Variants in PHF3 observed in about 807,000 individuals in gnomAD.
PHF3 encodes the protein PHD finger protein 3.
PHF3 carries 41 observed loss-of-function variants against 178.4 expected under a neutral mutation model. The ratio of observed to expected loss-of-function variants is 0.23; its 90% CI spans 0.18 to 0.30. The LOEUF is 0.30. Ranked by LOEUF, PHF3 falls within the 10% of genes least tolerant of loss-of-function variation. PHF3 has a pLI of 1.00. For missense variants in PHF3, 2,346 were observed against 2,398.1 expected, an observed-to-expected ratio of 0.98 and a Z score of 0.45; for synonymous variants, 842 against 800.5, an observed-to-expected ratio of 1.05 and a Z score of -0.88.
At chr6:63,637,084 C>T (rs1028781115) in intron 1 of PHF3, among the ~76,000 whole-genome samples, 2 of 152,178 alleles carry the variant, frequency 1.3e-5, no homozygotes, top group African/African-American at 4.8e-5. Flanking sequence ...TAAGTGGCAA[C>T]ACTGCTTTAA....
In PHF3 at chr6:63,685,247, A is replaced by G. The variant is rs1277090853; in HGVS notation, c.1525A>G (p.Ile509Val). The change falls in exon 4 of 16, where the codon ATT becomes GTT. Residue 509 changes from isoleucine (I) to valine (V), a missense_variant. Ile to Val is a conservative substitution (Grantham distance 29). Coordinates refer to ENST00000262043, the MANE Select transcript of PHF3 (RefSeq NM_001370348.2). Reference protein sequence around the residue: ...QNMTTDAPKKIVAAKYEVIHS... With the variant: ...QNMTTDAPKKVVAAKYEVIHS... ...CATGACCACAGATGCTCCGAAGAAAATTGTTGCAGCAAAGTATGAAGTAAT... is the reference window on the plus strand; with the variant it reads ...CATGACCACAGATGCTCCGAAGAAAGTTGTTGCAGCAAAGTATGAAGTAAT... 1.9e-6 allele frequency: 3 copies of G among 1,613,932 alleles called. No individual in the cohort carries two copies. The Admixed American group carries it at 5.0e-5, about 27-fold the overall frequency.
intron 2 of PHF3, 158 bp from the exon 3 acceptor site, chr6:63,679,842 G>A (rs781437946): frequency 2.9e-6 from 2 of 685,672 alleles, no homozygotes; most frequent in South Asian, 1.5e-5. Flanking sequence ...TGGGAGTTTG[G>A]TAGTGGCAAT....
chr6:63,675,319 T>C (rs1249428002), intron 2 of PHF3, among the ~76,000 whole-genome samples: 2 of 152,216 alleles, frequency 1.3e-5, no homozygotes, highest in East Asian at 1.9e-4. Flanking sequence ...ACATTTGTTA[T>C]GTGATGATTA....
At chr6:63,665,495 T>G (rs537399814) in intron 2 of PHF3, among the ~76,000 whole-genome samples, 6 of 146,362 alleles carry the variant, frequency 4.1e-5, no homozygotes, top group South Asian at 2.2e-4. Flanking sequence ...TGTTTTTTTT[T>G]TTTTTTTTTG....
intron 1 of PHF3, among the ~76,000 whole-genome samples, chr6:63,638,578 A>G (rs1045021672): frequency 3.9e-5 from 6 of 152,124 alleles, no homozygotes; most frequent in Non-Finnish European, 5.9e-5. Context: ...TATTACCAAT[A>G]CATATTTCAC....
chr6:63,654,534 A>G (rs1299248770), intron 2 of PHF3, among the ~76,000 whole-genome samples: 1 of 152,252 alleles, frequency 6.6e-6, no homozygotes, highest in Non-Finnish European at 1.5e-5. Context: ...AGAGCAAAAG[A>G]TAAAAGAGAG....
chr6:63,721,903 A>C lies in PHF3; in HGVS notation c.*8195A>C, dbSNP rs980695759. The C allele has an allele frequency of 1.4e-5, 14 of 1,008,206 alleles. No individual in the cohort carries two copies. In the Admixed American group the frequency reaches 2.6e-4, roughly 18 times the overall value. 62.5% of individuals were successfully genotyped at this position (1,008,206 alleles called of 1,614,324 possible). On this transcript the variant is annotated 3_prime_UTR_variant, in exon 16 of 16. Transcript: ENST00000262043. ...GATAAGTTTTAGTTATGGGGAAAAA[A>C]GTAACAGATCTTGAGCACAATTGTG...
chr6:63,648,065 T>G (rs965377127), intron 2 of PHF3, among the ~76,000 whole-genome samples: 1 of 152,200 alleles, frequency 6.6e-6, no homozygotes, highest in Non-Finnish European at 1.5e-5. Flanking sequence ...TTACTCTGCC[T>G]GAGGACCTCA....
intron 2 of PHF3, among the ~76,000 whole-genome samples, chr6:63,649,625 T>C (rs927044543): frequency 1.3e-5 from 2 of 152,234 alleles, no homozygotes; most frequent in Admixed American, 1.3e-4. Context: ...TAGAAAATTA[T>C]AAAAATAAGA....
At chr6:63,703,470 A>G in intron 10 of PHF3, 66 bp from the exon 11 acceptor site, 1 of 1,474,718 alleles carries the variant, frequency 6.8e-7, no homozygotes, top group Non-Finnish European at 9.2e-7. Flanking sequence ...GAAAATATAA[A>G]TTGATTTTGA....
At chr6:63,667,160 A>G (rs1343573284) in intron 2 of PHF3, among the ~76,000 whole-genome samples, 1 of 152,038 alleles carries the variant, frequency 6.6e-6, no homozygotes, top group African/African-American at 2.4e-5. Context: ...AATATTTTTG[A>G]TATGCTGTTG....
intron 2 of PHF3, among the ~76,000 whole-genome samples, chr6:63,655,185 T>C (rs1414262713): frequency 6.6e-6 from 1 of 152,124 alleles, no homozygotes; most frequent in African/African-American, 2.4e-5. Context: ...TGCCTCAGCC[T>C]CCTAAGTAGC....
rs368044960 is a variant in PHF3 at position 63,698,297 on chromosome 6, G to A, written c.2755G>A (p.Ala919Thr). 1.2e-6 allele frequency: 2 copies of A among 1,613,038 alleles called. No individual in the cohort carries two copies. The highest frequency in any genetic ancestry group is 2.7e-5 in the African/African-American group (2 of 74,930). ...GVLNVHPAAS[A>T]SKPSADQIRQ... ...GCTTAATGTACATCCTGCTGCTTCTGCTTCCAAGCCTTCTGCAGATCAGAT... is the reference window on the plus strand; with the variant it reads ...GCTTAATGTACATCCTGCTGCTTCTACTTCCAAGCCTTCTGCAGATCAGAT... Residue 919 changes from alanine to threonine, a missense_variant, in exon 7 of 16, where the codon GCT becomes ACT. This residue lies in a region of PHF3 where 252 missense variants were observed against 232.0 expected (regional missense o/e 1.09). Coordinates refer to ENST00000262043, the MANE Select transcript of PHF3 (RefSeq NM_001370348.2).
rs574545104 is a variant in PHF3 at position 63,662,142 on chromosome 6, A to G, written c.244+15347A>G. On this transcript the variant is annotated intron_variant, in intron 2 of 15. Coordinates refer to ENST00000262043, the MANE Select transcript of PHF3 (RefSeq NM_001370348.2). ...ATGTGTGATGATCTGAGGTGGAACA[A>G]TTTTATCACAAAACCACCCCCTCAT... Among the ~76,000 whole-genome samples, 4 of 152,226 alleles carry G rather than the reference A, an allele frequency of 2.6e-5. No individual in the cohort carries two copies. The South Asian group carries it at 6.2e-4, about 24-fold the overall frequency.
Position 63,724,278 on chromosome 6 carries a change from T to C in PHF3, c.*10570T>C, listed in dbSNP as rs1768527996. On this transcript the variant is annotated 3_prime_UTR_variant, in exon 16 of 16. Transcript: ENST00000262043. ...ATTGTTTCTACCTCATCATCTGCTA[T>C]CCCACCGTGCTTTATTATAGATAAG... Among the ~76,000 whole-genome samples, 1 of 152,178 alleles carries C rather than the reference T, an allele frequency of 6.6e-6. No individual in the cohort carries two copies. The highest frequency in any genetic ancestry group is 1.5e-5 in the Non-Finnish European group (1 of 68,030).
At chr6:63,639,419 A>G (rs1561933753) in intron 1 of PHF3, among the ~76,000 whole-genome samples, 2 of 152,154 alleles carry the variant, frequency 1.3e-5, no homozygotes, top group South Asian at 4.1e-4. Context: ...GTTCATATGC[A>G]TTGAGGCTTA....
chr6:63,708,142 C>G (rs1466865369), intron 13 of PHF3, among the ~76,000 whole-genome samples: 1 of 152,108 alleles, frequency 6.6e-6, no homozygotes, highest in African/African-American at 2.4e-5. Context: ...ACTGGGATTA[C>G]AGATGTGAGC....
chr6:63,652,466 A>G (rs1012623258), intron 2 of PHF3, among the ~76,000 whole-genome samples: 6 of 152,180 alleles, frequency 3.9e-5, no homozygotes, highest in African/African-American at 1.4e-4. Flanking sequence ...TCAGTAGCAA[A>G]TATTTTCTCC....
intron 2 of PHF3, among the ~76,000 whole-genome samples, chr6:63,670,465 T>C (rs1765867495): frequency 6.6e-6 from 1 of 152,100 alleles, no homozygotes; most frequent in Admixed American, 6.5e-5. Flanking sequence ...AGATGGGGTT[T>C]CACCACGTTA....
Sources: gnomAD v4.1 joint callset for allele counts (sites outside exome capture counted in the v4.1 genomes callset) on GRCh38, gnomAD v4.1.1 for gene constraint, gnomAD v4.1.1 regional missense constraint, MANE v1.5 for transcripts, NCBI Gene and HGNC (gene_info 2026-07-23, HGNC 2026-07-21) for gene names.